The following MCM8 variants were observed in gnomAD, a reference collection of about 807,000 sequenced individuals.
The protein encoded by MCM8 is DNA helicase MCM8.
In MCM8, 85 loss-of-function variants were observed where a neutral mutation model predicts 98.9. The observed-to-expected ratio is 0.86, with a 90% CI of 0.72 to 1.03. The LOEUF is 1.03. Among genes scored for constraint, MCM8 ranks in the 50% least tolerant of loss-of-function variants. MCM8 has a pLI of 0.00. For missense variants in MCM8, 951 were observed against 997.8 expected, an observed-to-expected ratio of 0.95 and a Z score of 0.63; for synonymous variants, 352 against 338.6, an observed-to-expected ratio of 1.04 and a Z score of -0.44.
At chr20:5,956,170 C>T (rs2088976433) in intron 5 of MCM8, among the ~76,000 whole-genome samples, 1 of 152,228 alleles carries the variant, frequency 6.6e-6, no homozygotes, top group South Asian at 2.1e-4. Context: ...GAGGGGCATT[C>T]TTCTACCTCT....
At chr20:5,956,269 T>C (rs2088978990) in intron 5 of MCM8, among the ~76,000 whole-genome samples, 1 of 152,198 alleles carries the variant, frequency 6.6e-6, no homozygotes, top group African/African-American at 2.4e-5. Context: ...CTGTAAAACC[T>C]TTCTCATGAC....
chr20:5,959,145 T>A (rs1251467457), intron 7 of MCM8, among the ~76,000 whole-genome samples: 1 of 152,192 alleles, frequency 6.6e-6, no homozygotes, highest in Admixed American at 6.5e-5. Context: ...ATGGGTTTTT[T>A]AAATCTTTAT....
chr20:5,954,523 A>G lies in MCM8; in HGVS notation c.254-85A>G, dbSNP rs572878944. The G allele has an allele frequency of 1.3e-4, 88 of 664,582 alleles. No individual in the cohort carries two copies. In the South Asian group the frequency reaches 1.4e-3, roughly 10 times the overall value. The allele number at this position is 664,582 out of a possible 1,614,324, so 41.2% of individuals were successfully genotyped here. On this transcript the variant is annotated intron_variant, in intron 3 of 18. Coordinates refer to ENST00000610722, the MANE Select transcript of MCM8 (RefSeq NM_032485.6). ...AGCAATTAGAAAAAAATCATCTACC[A>G]TGTATATAGTGCTGCTTTTGTCTCA...
chr20:5,973,246 A>G, intron 12 of MCM8, 50 bp downstream of exon 12: 1 of 1,601,892 alleles, frequency 6.2e-7, no homozygotes, highest in Non-Finnish European at 8.5e-7. Flanking sequence ...AAAATGCGTT[A>G]ATAATTCACA....
chr20:5,981,007 A>C (rs1206702747), intron 13 of MCM8, among the ~76,000 whole-genome samples: 1 of 152,110 alleles, frequency 6.6e-6, no homozygotes, highest in East Asian at 1.9e-4. Context: ...TGGCTTATAT[A>C]TTTTTAAAAG....
rs910083321 is a variant in MCM8, at chr20:5,994,704, C to T, written c.*313C>T. ...CCTTGAGGCCAGGGTTCGAGACCAA[C>T]CTTGGGCAACATAGCAAGACCCCAT... is the stretch of plus-strand genomic sequence containing the variant. On this transcript the variant is annotated 3_prime_UTR_variant, in exon 19 of 19. Coordinates refer to ENST00000610722, the MANE Select transcript of MCM8 (RefSeq NM_032485.6). 6 of 469,266 alleles carry T rather than the reference C, an allele frequency of 1.3e-5. No homozygotes were observed. Among genetic ancestry groups the T allele is most frequent in the Non-Finnish European group, 2.5e-5 (6 of 240,124 alleles). 29.1% of individuals were successfully genotyped at this position (469,266 alleles called of 1,614,324 possible). A position where few individuals can be genotyped will look rare whatever the true frequency, so the allele number is the denominator to read the frequency against.
Position 5,983,147 on chromosome 20 carries a change from C to G in MCM8, c.1715C>G (p.Thr572Arg). 6.2e-7 allele frequency: 1 copy of G among 1,611,696 alleles called. No individual in the cohort carries two copies. Among genetic ancestry groups the G allele is most frequent in the African/African-American group, 1.3e-5 (1 of 74,954 alleles). The change falls in exon 14 of 19, where the codon ACA becomes AGA. Residue 572 changes from threonine to arginine, a missense_variant. Coordinates refer to ENST00000610722, the MANE Select transcript of MCM8 (RefSeq NM_032485.6). ...GGAGGACATTACAATAAAGCCAAAACAGTTTCTGAGAATTTAAAGTAAGTC... is the reference window on the plus strand; with the variant it reads ...GGAGGACATTACAATAAAGCCAAAAGAGTTTCTGAGAATTTAAAGTAAGTC... ...PVGGHYNKAK[T>R]VSENLKMGSA...
At chr20:5,970,093 G>A (rs559590322) in intron 10 of MCM8, among the ~76,000 whole-genome samples, 3 of 152,284 alleles carry the variant, frequency 2.0e-5, no homozygotes, top group Admixed American at 2.0e-4. Flanking sequence ...AAACTAGGCA[G>A]GCTGCCTGTT....
At chr20:5,972,179 C>T in intron 11 of MCM8, 142 bp downstream of exon 11, 1 of 515,838 alleles carries the variant, frequency 1.9e-6, no homozygotes, top group Non-Finnish European at 3.3e-6. Context: ...ATATGGGAGG[C>T]AAGCAAACTA....
At chr20:5,966,682 T>C (rs934137046) in intron 8 of MCM8, among the ~76,000 whole-genome samples, 1 of 152,236 alleles carries the variant, frequency 6.6e-6, no homozygotes, top group Non-Finnish European at 1.5e-5. Context: ...AGACTTTACC[T>C]CTAAATACAA....
chr20:5,993,001 A>G (rs998044169), intron 17 of MCM8, among the ~76,000 whole-genome samples: 1 of 152,206 alleles, frequency 6.6e-6, no homozygotes, highest in African/African-American at 2.4e-5. Context: ...TAGAGAAAGC[A>G]GAAGAAATCT....
intron 11 of MCM8, 152 bp downstream of exon 11, chr20:5,972,189 A>G (rs541126685): frequency 2.1e-4 from 104 of 500,322 alleles, no homozygotes; most frequent in African/African-American, 1.9e-3. Flanking sequence ...CAAGCAAACT[A>G]TAGCTTTTTT....
chr20:5,976,627 G>A (rs1176183320), intron 12 of MCM8, among the ~76,000 whole-genome samples: 1 of 152,164 alleles, frequency 6.6e-6, no homozygotes, highest in Non-Finnish European at 1.5e-5. Context: ...TAAATGTAGG[G>A]GTTTTGGGTG....
rs2089934727 is a variant in MCM8 at position 5,994,929 on chromosome 20, TGTA to T, written c.*541_*543del. 5.6e-6 allele frequency: 1 copy of T among 177,720 alleles called. No homozygotes were observed. The allele number at this position is 177,720 out of a possible 1,614,324, so 11.0% of individuals were successfully genotyped here. ...CTTGACTCAAAAAAATAAAAAAAAT[TGTA>T]GTGGTAGCCATGTGTTAATTGTTAA... On this transcript the variant is annotated 3_prime_UTR_variant, in exon 19 of 19. Transcript: ENST00000610722.
At chr20:5,956,810 T>C (rs554530380) in intron 5 of MCM8, among the ~76,000 whole-genome samples, 15 of 152,292 alleles carry the variant, frequency 9.8e-5, no homozygotes, top group African/African-American at 3.4e-4. Context: ...AATGCATTTT[T>C]TTTTTTTTAA....
At chr20:5,956,693 G>C (rs78666004) in intron 5 of MCM8, among the ~76,000 whole-genome samples, 3,667 of 152,122 alleles carry the variant, frequency 0.024, 129 homozygotes, top group African/African-American at 0.077. Flanking sequence ...TGCGCCCAGC[G>C]TGTTTATATT....
chr20:5,977,341 C>T (rs236103), intron 12 of MCM8, among the ~76,000 whole-genome samples: 25,315 of 152,166 alleles, frequency 0.17, 2,712 homozygotes, highest in African/African-American at 0.3. Flanking sequence ...GGTCTGAGAG[C>T]CACACAGCTG....
intron 12 of MCM8, 56 bp downstream of exon 12, chr20:5,973,252 T>G: frequency 6.3e-7 from 1 of 1,599,516 alleles, no homozygotes; most frequent in Non-Finnish European, 8.6e-7. Context: ...CGTTAATAAT[T>G]CACAAGTGAA....
chr20:5,980,261 G>A (rs578004329), intron 13 of MCM8, among the ~76,000 whole-genome samples: 2 of 151,870 alleles, frequency 1.3e-5, no homozygotes, highest in Admixed American at 6.6e-5. Flanking sequence ...CTTCTATATT[G>A]TTTACTTTTT....
Sources: allele counts gnomAD v4.1 joint callset (sites outside exome capture counted in the v4.1 genomes callset), GRCh38; gene constraint gnomAD v4.1.1; transcripts MANE v1.5; gene names NCBI Gene and HGNC (gene_info 2026-07-23, HGNC 2026-07-21).